ZC2HC1B: variants seen among roughly 807,000 people sequenced by gnomAD.
ZC2HC1B encodes the protein zinc finger C2HC-type containing 1B, also known as zinc finger C2HC domain-containing protein 1B.
A neutral mutation model predicts 31.0 loss-of-function variants in ZC2HC1B; 36 were observed. That is an observed-to-expected ratio of 1.16 (90% confidence interval 0.89 to 1.54). The LOEUF (loss-of-function observed/expected upper bound fraction) is 1.54. ZC2HC1B is among the 40% of genes most tolerant of loss of function. The probability of loss-of-function intolerance (pLI) is 0.00; values close to 1 mark genes in which losing one functional copy is unlikely to be tolerated. For synonymous variants in ZC2HC1B, 73 were observed against 88.0 expected (o/e 0.83, Z 0.95); for missense variants, 260 against 268.6 (o/e 0.97, Z 0.22).
intron 1 of ZC2HC1B, among the ~76,000 whole-genome samples, chr6:143,875,289 T>C (rs1396588422): frequency 6.6e-6 from 1 of 152,214 alleles, no homozygotes; most frequent in Non-Finnish European, 1.5e-5. Flanking sequence ...GTATATTTTC[T>C]GGACCCTCCC....
chr6:143,880,000 AT>A (rs965136795), intron 1 of ZC2HC1B, among the ~76,000 whole-genome samples: 2 of 151,496 alleles, frequency 1.3e-5, no homozygotes, highest in African/African-American at 4.8e-5. Context: ...AATTTTTAAA[AT>A]TTTTTGTAGA....
At position 143,884,410 on chromosome 6, in the gene ZC2HC1B, T is replaced by C. The variant is rs1396605461; in HGVS notation, c.90+45T>C. 1 of 1,505,026 alleles carries C rather than the reference T, an allele frequency of 6.6e-7. No homozygotes were observed. The highest frequency in any genetic ancestry group is 9.0e-7 in the Non-Finnish European group (1 of 1,111,144). 93.2% of individuals were successfully genotyped at this position (1,505,026 alleles called of 1,614,324 possible). The stretch of plus-strand genomic sequence containing the variant: ...GTAGATGTGTTTCATTGGACTTAAA[T>C]GAACTGTCAAGTCAGTGAGGAGGCG... On this transcript the variant is annotated intron_variant, in intron 2 of 7. Coordinates refer to ENST00000237275, the MANE Select transcript of ZC2HC1B (RefSeq NM_001013623.3). The surrounding 1 kb of genome is among the most constrained non-coding windows in gnomAD (Gnocchi z 5.1).
chr6:143,910,766 AT>A (rs1269075441), intron 6 of ZC2HC1B, among the ~76,000 whole-genome samples: 2 of 151,464 alleles, frequency 1.3e-5, no homozygotes, highest in African/African-American at 4.9e-5. Context: ...TTGTTTGTTT[AT>A]TTTTGAGATG....
rs1460267927 is a variant in ZC2HC1B, at chr6:143,933,039, G to A, written c.599-4610G>A. Among the ~76,000 whole-genome samples, 1 of 152,204 alleles carries A rather than the reference G, an allele frequency of 6.6e-6. No homozygotes were observed. Among genetic ancestry groups the A allele is most frequent in the Non-Finnish European group, 1.5e-5 (1 of 68,038 alleles). ...GTGGATACCAGCACCTGTTCTGATG[G>A]AGGTGGCAGGGGAGTCAGGTAGACT... On this transcript the variant is annotated intron_variant, in intron 6 of 7. Coordinates refer to ENST00000237275, the MANE Select transcript of ZC2HC1B (RefSeq NM_001013623.3). The surrounding 1 kb of genome is among the most constrained non-coding windows in gnomAD (Gnocchi z 6.4).
At position 143,923,038 on chromosome 6, in the gene ZC2HC1B, A is replaced by T. The variant is rs888557863; in HGVS notation, c.599-14611A>T. Reference sequence around the variant, plus strand: ...GCATCTGTTATTTCTTGCCTTTTTGATAAGAGCCATTCTAACAAGGGTAAG... The same window carrying T: ...GCATCTGTTATTTCTTGCCTTTTTGTTAAGAGCCATTCTAACAAGGGTAAG... On this transcript the variant is annotated intron_variant, in intron 6 of 7. Transcript: ENST00000237275. The surrounding 1 kb of genome is among the most constrained non-coding windows in gnomAD (Gnocchi z 4.8). Among the ~76,000 whole-genome samples the T allele has an allele frequency of 2.0e-5, 3 of 152,296 alleles. No homozygotes were observed. The highest frequency in any genetic ancestry group is 3.9e-4 in the East Asian group (2 of 5,184).
chr6:143,928,616 T>G (rs2128497607), intron 6 of ZC2HC1B, among the ~76,000 whole-genome samples: 1 of 152,216 alleles, frequency 6.6e-6, no homozygotes, highest in East Asian at 1.9e-4. Flanking sequence ...TCTAATTCTG[T>G]GAAAAATGTC....
In ZC2HC1B at chr6:143,886,261, A is replaced by ATTATC; in HGVS notation, c.210+110_210+111insTTATC. Reference sequence around the variant, plus strand: ...GCTTGATAATACAGTAATGTAATGTAACTGTAATCCACCTTTACTTTTTTC... The same window carrying ATTATC: ...GCTTGATAATACAGTAATGTAATGTATTATCACTGTAATCCACCTTTACTTTTTTC... On this transcript the variant is annotated intron_variant, in intron 3 of 7. Transcript: ENST00000237275. This position sits in a 1 kb window ranked among gnomAD's most constrained non-coding sequence, Gnocchi z 4.2. 1 of 1,167,712 alleles carries ATTATC rather than the reference A, an allele frequency of 8.6e-7. No homozygotes were observed. Among genetic ancestry groups the ATTATC allele is most frequent in the Non-Finnish European group, 1.1e-6 (1 of 902,874 alleles). 72.3% of individuals were successfully genotyped at this position (1,167,712 alleles called of 1,614,324 possible).
rs1186644773 is a variant in ZC2HC1B, at chr6:143,868,391, A to G, written c.28+3824A>G. ...CCAAAACTGAAGAACTTGGAGTTCA[A>G]TGTTTGAGGGCAGGAAGCATCCAGC... On this transcript the variant is annotated intron_variant, in intron 1 of 7. Coordinates refer to ENST00000237275, the MANE Select transcript of ZC2HC1B (RefSeq NM_001013623.3). The surrounding 1 kb of genome is among the most constrained non-coding windows in gnomAD (Gnocchi z 4.2). 6.6e-6 allele frequency among the ~76,000 whole-genome samples: 1 copy of G among 152,220 alleles called. No individual in the cohort carries two copies. The highest frequency in any genetic ancestry group is 2.4e-5 in the African/African-American group (1 of 41,458).
intron 6 of ZC2HC1B, among the ~76,000 whole-genome samples, chr6:143,916,826 A>G (rs921514920): frequency 6.6e-6 from 1 of 152,064 alleles, no homozygotes. Context: ...GGAAGTAACT[A>G]ATTTGCTTTT....
chr6:143,900,875 G>C (rs921440139), intron 5 of ZC2HC1B, among the ~76,000 whole-genome samples: 1 of 152,204 alleles, frequency 6.6e-6, no homozygotes, highest in Admixed American at 6.5e-5. Context: ...GTCTCACTCT[G>C]TTGCCCAGGC....
At chr6:143,901,914 T>C (rs905705493) in intron 5 of ZC2HC1B, among the ~76,000 whole-genome samples, 22 of 152,220 alleles carry the variant, frequency 1.4e-4, no homozygotes, top group African/African-American at 5.1e-4. Context: ...TGAGTTACAT[T>C]TCTGCAGATG....
At chr6:143,873,685 T>G (rs1013880682) in intron 1 of ZC2HC1B, among the ~76,000 whole-genome samples, 16 of 152,242 alleles carry the variant, frequency 1.1e-4, no homozygotes, top group African/African-American at 3.6e-4. Context: ...GCTTCCACCC[T>G]CTGAAGGCAT....
At chr6:143,920,451 A>G (rs1777973916) in intron 6 of ZC2HC1B, among the ~76,000 whole-genome samples, 2 of 152,248 alleles carry the variant, frequency 1.3e-5, no homozygotes. Context: ...CCTGTGTCCT[A>G]GTATGTGATG....
Position 143,865,852 on chromosome 6 carries a change from G to C in ZC2HC1B, c.28+1285G>C, listed in dbSNP as rs1020707566. ...TTTTTGCCAAGACAGGTCTTGCTCT[G>C]GCGCCCGAGCTGGAGCGCAGTAGTG... On this transcript the variant is annotated intron_variant, in intron 1 of 7. Transcript: ENST00000237275. This position sits in a 1 kb window ranked among gnomAD's most constrained non-coding sequence, Gnocchi z 4.4. Among the ~76,000 whole-genome samples, 1 of 151,834 alleles carries C rather than the reference G, an allele frequency of 6.6e-6. No individual in the cohort carries two copies. Among genetic ancestry groups the C allele is most frequent in the African/African-American group, 2.4e-5 (1 of 41,318 alleles).
In ZC2HC1B at chr6:143,924,240, T is replaced by A. The variant is rs1244415228; in HGVS notation, c.599-13409T>A. 1.3e-5 allele frequency among the ~76,000 whole-genome samples: 2 copies of A among 151,888 alleles called. No homozygotes were observed. Among genetic ancestry groups the A allele is most frequent in the Non-Finnish European group, 2.9e-5 (2 of 67,908 alleles). ...GAGATTGTTTTCTTTTTTAGCCAGTTTATTATTGGCACATAGAAATGCTGC... is the reference window on the plus strand; with the variant it reads ...GAGATTGTTTTCTTTTTTAGCCAGTATATTATTGGCACATAGAAATGCTGC... On this transcript the variant is annotated intron_variant, in intron 6 of 7. Transcript: ENST00000237275. This position sits in a 1 kb window ranked among gnomAD's most constrained non-coding sequence, Gnocchi z 5.2.
chr6:143,881,302 A>G (rs117219306), intron 1 of ZC2HC1B, among the ~76,000 whole-genome samples: 8,093 of 152,092 alleles, frequency 0.053, 234 homozygotes, highest in South Asian at 0.093. Context: ...TGCAATCCCA[A>G]TACTTTGGGA....
chr6:143,913,482 G>A lies in ZC2HC1B; in HGVS notation c.598+10330G>A, dbSNP rs555917179. ...AGTGGGTCTTATCTTGTCAGGTGTG[G>A]TGGAAGTGGGGTCTACAGAATGATG... On this transcript the variant is annotated intron_variant, in intron 6 of 7. Transcript: ENST00000237275. The surrounding 1 kb of genome is among the most constrained non-coding windows in gnomAD (Gnocchi z 5.7). Among the ~76,000 whole-genome samples the A allele has an allele frequency of 3.3e-5, 5 of 152,334 alleles. No homozygotes were observed. In the South Asian group the frequency reaches 1.0e-3, roughly 32 times the overall value.
rs756197579 is a variant in ZC2HC1B at position 143,915,218 on chromosome 6, C to G, written c.598+12066C>G. 2.6e-5 allele frequency among the ~76,000 whole-genome samples: 4 copies of G among 152,154 alleles called. No individual in the cohort carries two copies. Among genetic ancestry groups the G allele is most frequent in the Non-Finnish European group, 5.9e-5 (4 of 68,042 alleles). On this transcript the variant is annotated intron_variant, in intron 6 of 7. Coordinates refer to ENST00000237275, the MANE Select transcript of ZC2HC1B (RefSeq NM_001013623.3). This position sits in a 1 kb window ranked among gnomAD's most constrained non-coding sequence, Gnocchi z 5.2. The stretch of plus-strand genomic sequence containing the variant: ...TATTCTTATGACAATGAGTAAGTCT[C>G]ACGAGATCTGATGGTTTTAAAAAGA...
At chr6:143,927,360 G>A (rs1441047908) in intron 6 of ZC2HC1B, among the ~76,000 whole-genome samples, 3 of 152,002 alleles carry the variant, frequency 2.0e-5, no homozygotes, top group African/African-American at 7.2e-5. Flanking sequence ...ATGTCCATGT[G>A]TGCATACTAT....
Sources: allele counts gnomAD v4.1 joint callset (sites outside exome capture counted in the v4.1 genomes callset), GRCh38; gene constraint gnomAD v4.1.1; non-coding constraint Gnocchi (gnomAD v3.1); transcripts MANE v1.5; gene names NCBI Gene and HGNC (gene_info 2026-07-23, HGNC 2026-07-21).